SWAP70: variants seen among roughly 807,000 people sequenced by gnomAD.
SWAP70 encodes the protein switching B cell complex subunit SWAP70, also known as switch-associated protein 70.
SWAP70 carries 34 observed loss-of-function variants against 80.2 expected under a neutral mutation model. The observed-to-expected ratio is 0.42, with a 90% confidence interval of 0.32 to 0.56. The LOEUF is 0.56. SWAP70 is among the 20% of genes least tolerant of loss of function. The pLI, the probability that SWAP70 is intolerant of heterozygous loss-of-function variation, is 0.09. For synonymous variants in SWAP70, 239 were observed against 238.5 expected, an observed-to-expected ratio of 1.00 and a Z score of -0.02; for missense variants, 578 against 690.7, an observed-to-expected ratio of 0.84 and a Z score of 1.83.
At chr11:9,749,731 G>A (rs1189302212) in intron 11 of SWAP70, 133 bp from the exon 12 acceptor site, 7 of 596,004 alleles carry the variant, frequency 1.2e-5, no homozygotes, top group Non-Finnish European at 2.1e-5. Context: ...AATTGTTTTA[G>A]CTGGTATGAC....
At position 9,752,323 on chromosome 11, in the gene SWAP70, C is replaced by G. The variant is rs1211834274; in HGVS notation, c.*2353C>G. The G allele has an allele frequency of 2.6e-5, 4 of 152,308 alleles. No homozygotes were observed. The highest frequency in any genetic ancestry group is 1.3e-4 in the Admixed American group (2 of 15,290). 9.4% of individuals were successfully genotyped at this position (152,308 alleles called of 1,614,324 possible). On this transcript the variant is annotated 3_prime_UTR_variant, in exon 12 of 12. Transcript: ENST00000318950. ...TGGGTTCTTGGAGACCTCACACTGC[C>G]TGGCCCCTGGCCATCCACCTAAGGA...
At chr11:9,725,547 ATATATATATATATATATATATATT>A (rs1361852170) in intron 4 of SWAP70, among the ~76,000 whole-genome samples, 6 of 10,070 alleles carry the variant, frequency 6.0e-4, no homozygotes, top group Admixed American at 2.5e-3. Flanking sequence ...ATATATATAT[ATATATATATATATATATATATATT>A]TTTTTTTTTT....
chr11:9,682,175 G>A (rs1590015367), intron 1 of SWAP70, among the ~76,000 whole-genome samples: 1 of 152,308 alleles, frequency 6.6e-6, no homozygotes, highest in East Asian at 1.9e-4. Flanking sequence ...CTTGTACTGG[G>A]AGGTGAGGGG....
chr11:9,739,849 G>A (rs1851412726), intron 8 of SWAP70, among the ~76,000 whole-genome samples: 1 of 152,184 alleles, frequency 6.6e-6, no homozygotes, highest in Non-Finnish European at 1.5e-5. Context: ...AAAAGATTGT[G>A]ACTTTAAGAC....
chr11:9,740,524 T>C, intron 9 of SWAP70, 177 bp downstream of exon 9: 2 of 682,954 alleles, frequency 2.9e-6, no homozygotes, highest in Non-Finnish European at 5.1e-6. Flanking sequence ...GGAGTGTTTC[T>C]TTTCATTCTG....
At chr11:9,687,792 A>G (rs907947354) in intron 1 of SWAP70, among the ~76,000 whole-genome samples, 1 of 152,134 alleles carries the variant, frequency 6.6e-6, no homozygotes, top group African/African-American at 2.4e-5. Context: ...GAAAATATTT[A>G]TTTCCTCCCT....
Position 9,749,965 on chromosome 11 carries a change from G to A in SWAP70, c.1753G>A (p.Glu585Lys). 2 of 1,610,616 alleles carry A rather than the reference G, an allele frequency of 1.2e-6. No homozygotes were observed. The highest frequency in any genetic ancestry group is 1.7e-5 in the Admixed American group (1 of 60,012). Residue 585 changes from glutamate to lysine, a missense_variant, in exon 12 of 12, where the codon GAG (glutamate) becomes AAG (lysine). Physicochemically the swap from Glu to Lys is moderately conservative, Grantham distance 56. Transcript: ENST00000318950. ...EKNWKEKKTTE is the reference protein window; with the variant it reads ...EKNWKEKKTTK ...GAACTGGAAAGAGAAAAAGACCACG[G>A]AGTGACTGAGCTTGCTGGCAGTCAC...
intron 1 of SWAP70, among the ~76,000 whole-genome samples, chr11:9,680,370 T>C (rs1001224015): frequency 2.0e-5 from 3 of 152,182 alleles, no homozygotes; most frequent in African/African-American, 7.2e-5. Flanking sequence ...AAATATGCAT[T>C]GGATTTCAAA....
chr11:9,725,347 T>G (rs187284376), intron 4 of SWAP70, among the ~76,000 whole-genome samples: 25 of 151,018 alleles, frequency 1.7e-4, no homozygotes, highest in Non-Finnish European at 1.8e-4. Context: ...AAAAAATTAT[T>G]TGTGCGATTT....
At position 9,668,168 on chromosome 11, in the gene SWAP70, C is replaced by T. The variant is rs186377916; in HGVS notation, c.99+3890C>T. ...CCTCCCAAAGCATTGGGATTATAGG[C>T]GTGAGCCACCATGCCTGGCCTATTT... On this transcript the variant is annotated intron_variant, in intron 1 of 11. Transcript: ENST00000318950. Among the ~76,000 whole-genome samples the T allele has an allele frequency of 2.8e-3, 423 of 152,322 alleles. 4 individuals carry two copies. Among genetic ancestry groups the T allele is most frequent in the Middle Eastern group, 3.4e-3 (1 of 294 alleles).
At chr11:9,727,810 A>C (rs1462644668) in intron 4 of SWAP70, among the ~76,000 whole-genome samples, 1 of 152,204 alleles carries the variant, frequency 6.6e-6, no homozygotes, top group African/African-American at 2.4e-5. Flanking sequence ...TATTGTCTGC[A>C]TATCACTTTG....
intron 2 of SWAP70, among the ~76,000 whole-genome samples, chr11:9,699,056 A>G (rs912823905): frequency 6.6e-6 from 1 of 152,214 alleles, no homozygotes; most frequent in Admixed American, 6.5e-5. Flanking sequence ...AGATTTAATT[A>G]AATTCTCAAA....
At chr11:9,683,356 T>C (rs1590015996) in intron 1 of SWAP70, among the ~76,000 whole-genome samples, 1 of 151,492 alleles carries the variant, frequency 6.6e-6, no homozygotes, top group South Asian at 2.1e-4. Flanking sequence ...GTCGAGCCTG[T>C]GGTGAGCCCA....
intron 7 of SWAP70, 94 bp from the exon 8 acceptor site, chr11:9,738,119 G>A: frequency 1.4e-6 from 1 of 731,634 alleles, no homozygotes; most frequent in East Asian, 3.0e-5. Context: ...AGAATGTTTG[G>A]CTTTTCCTGT....
At chr11:9,698,469 A>T (rs1200389980) in intron 2 of SWAP70, among the ~76,000 whole-genome samples, 1 of 151,920 alleles carries the variant, frequency 6.6e-6, no homozygotes, top group Admixed American at 6.6e-5. Flanking sequence ...CAGTGGCATG[A>T]TCTCGGCTCA....
In SWAP70 at chr11:9,664,321, C is replaced by A. The variant is rs201313970; in HGVS notation, c.99+43C>A. The A allele has an allele frequency of 3.9e-6, 6 of 1,536,344 alleles. No homozygotes were observed. In the East Asian group the frequency reaches 1.2e-4, roughly 32 times the overall value. ...CGGCCCCCCACCCGACCCTCCCCGG[C>A]GCGCTCTGTACTTCCCTTGGGTGGA... On this transcript the variant is annotated intron_variant, in intron 1 of 11. Coordinates refer to ENST00000318950, the MANE Select transcript of SWAP70 (RefSeq NM_015055.4).
At chr11:9,688,345 A>G (rs1850657081) in intron 1 of SWAP70, among the ~76,000 whole-genome samples, 1 of 152,182 alleles carries the variant, frequency 6.6e-6, no homozygotes, top group Non-Finnish European at 1.5e-5. Flanking sequence ...ACTGCTTGGG[A>G]AACAGAGTGA....
chr11:9,687,920 T>A (rs904454841), intron 1 of SWAP70, among the ~76,000 whole-genome samples: 1 of 152,168 alleles, frequency 6.6e-6, no homozygotes, highest in Non-Finnish European at 1.5e-5. Context: ...CATAAAGATT[T>A]CCTAGAGTTT....
intron 7 of SWAP70, among the ~76,000 whole-genome samples, chr11:9,733,709 T>A (rs1851328880): frequency 6.6e-6 from 1 of 152,190 alleles, no homozygotes; most frequent in Non-Finnish European, 1.5e-5. Context: ...CTGTAAAAAT[T>A]CCCTTTAAAG....
Sources: allele counts gnomAD v4.1 joint callset (sites outside exome capture counted in the v4.1 genomes callset), GRCh38; gene constraint gnomAD v4.1.1; transcripts MANE v1.5; gene names NCBI Gene and HGNC (gene_info 2026-07-23, HGNC 2026-07-21).